The following WDR33 variants were observed in gnomAD, a reference collection of about 807,000 sequenced individuals.
WDR33 encodes pre-mRNA 3' end processing protein WDR33.
Under a neutral mutation model 164.9 loss-of-function variants are expected in WDR33, and 47 were observed. The observed-to-expected ratio is 0.29, with a 90% CI of 0.23 to 0.36. The LOEUF (loss-of-function observed/expected upper bound fraction) is 0.36, where lower values mean the gene tolerates loss of function less well. Ranked by LOEUF, WDR33 falls within the 10% of genes least tolerant of loss-of-function variation. WDR33 has a pLI of 1.00. For synonymous variants in WDR33, 505 were observed against 589.0 expected, an observed-to-expected ratio of 0.86 and a Z score of 2.06; for missense variants, 1,137 against 1,754.1, an observed-to-expected ratio of 0.65 and a Z score of 6.28.
intron 7 of WDR33, among the ~76,000 whole-genome samples, chr2:127,762,070 C>T (rs1490897251): frequency 2.6e-5 from 4 of 152,120 alleles, no homozygotes; most frequent in African/African-American, 7.2e-5. Flanking sequence ...ACCAAGACAA[C>T]GATCTCTGCT....
At chr2:127,725,252 A>C in intron 8 of WDR33, 37 bp from the exon 9 acceptor site, 1 of 1,568,774 alleles carries the variant, frequency 6.4e-7, no homozygotes. Flanking sequence ...GTCAGAATTC[A>C]AAACAAGTAT....
intron 18 of WDR33, among the ~76,000 whole-genome samples, chr2:127,711,778 A>ATTTTTTTTTTTTTTTTTTTTTTTTT (rs1375261650): frequency 1.1e-5 from 1 of 93,038 alleles, no homozygotes; most frequent in African/African-American, 5.9e-5. Flanking sequence ...ATATATATAT[A>ATTTTTTTTTTTTTTTTTTTTTTTTT]TATTTTTTTT....
At chr2:127,767,359 T>C (rs1288429992) in intron 4 of WDR33, among the ~76,000 whole-genome samples, 1 of 152,232 alleles carries the variant, frequency 6.6e-6, no homozygotes, top group Non-Finnish European at 1.5e-5. Flanking sequence ...TTATCATCTA[T>C]GAAAATCGGG....
rs774862163 is a variant in WDR33 at position 127,722,660 on chromosome 2, T to G, written c.1449A>C (p.Gln483His). ...TCTGAGGTACTTTTTTCTGATCCTT[T>G]TGCATCACTTCCTCCATTCCCCAAT... The part of the protein sequence containing the change: ...GLDWGMEEVM[Q>H]KDQKKVPQKK... Residue 483 changes from glutamine (Q) to histidine (H), a missense_variant, in exon 14 of 22, where the codon CAA becomes CAC. By Grantham distance (24) the Gln-to-His change is conservative (BLOSUM62 0). This residue lies in a region of WDR33 where 75 missense variants were observed against 124.7 expected (regional missense o/e 0.60). Coordinates refer to ENST00000322313, the MANE Select transcript of WDR33 (RefSeq NM_018383.5). The surrounding 1 kb of genome is among the most constrained non-coding windows in gnomAD (Gnocchi z 5.1). 20 of 1,614,062 alleles carry G rather than the reference T, an allele frequency of 1.2e-5. No homozygotes were observed. The Admixed American group carries it at 3.3e-4, about 27-fold the overall frequency.
In WDR33 at chr2:127,712,134, G is replaced by A. The variant is rs150106529; in HGVS notation, c.3308+1449C>T. 5.2e-3 allele frequency among the ~76,000 whole-genome samples: 787 copies of A among 152,076 alleles called. 7 individuals carry two copies. Among genetic ancestry groups the A allele is most frequent in the African/African-American group, 0.017 (716 of 41,500 alleles). On this transcript the variant is annotated intron_variant, in intron 18 of 21. Coordinates refer to ENST00000322313, the MANE Select transcript of WDR33 (RefSeq NM_018383.5). The surrounding 1 kb of genome is among the most constrained non-coding windows in gnomAD (Gnocchi z 4.0). Reference sequence around the variant, plus strand: ...GAAAGGACCAGGCGCAGTGGCTCACGCCTATAATCCCTGCACTCTGGGGGG... The same window carrying A: ...GAAAGGACCAGGCGCAGTGGCTCACACCTATAATCCCTGCACTCTGGGGGG...
chr2:127,715,584 C>A (rs958796474), intron 17 of WDR33, among the ~76,000 whole-genome samples: 1 of 152,216 alleles, frequency 6.6e-6, no homozygotes, highest in Non-Finnish European at 1.5e-5. Context: ...CCATTTCCTT[C>A]TGGTAGACAG....
intron 1 of WDR33, among the ~76,000 whole-genome samples, chr2:127,807,150 A>G (rs1689467002): frequency 6.6e-6 from 1 of 152,106 alleles, no homozygotes; most frequent in Non-Finnish European, 1.5e-5. Flanking sequence ...GATTACAGGA[A>G]TGTGCCACCA....
Position 127,717,095 on chromosome 2 carries a change from T to C in WDR33, c.2869+60A>G, listed in dbSNP as rs1247784843. ...ATGACTGGCCAACAAAATTATTCAC[T>C]GTAAAATGTGCACAAAGGTGGTAGA... is the stretch of plus-strand genomic sequence containing the variant. On this transcript the variant is annotated intron_variant, in intron 17 of 21. Coordinates refer to ENST00000322313, the MANE Select transcript of WDR33 (RefSeq NM_018383.5). The surrounding 1 kb of genome is among the most constrained non-coding windows in gnomAD (Gnocchi z 5.6). The C allele has an allele frequency of 6.6e-7, 1 of 1,515,592 alleles. No individual in the cohort carries two copies. The highest frequency in any genetic ancestry group is 9.0e-7 in the Non-Finnish European group (1 of 1,113,374). 93.9% of individuals were successfully genotyped at this position (1,515,592 alleles called of 1,614,324 possible).
Position 127,719,587 on chromosome 2 carries a change from G to A in WDR33, c.2438C>T (p.Pro813Leu), listed in dbSNP as rs749461697. ...MGHPPQEMRG[P>L]HPPGGLLGHG... The stretch of plus-strand genomic sequence containing the variant: ...TCCCAGTAGTCCACCTGGAGGGTGA[G>A]GTCCTCTCATCTCTTGAGGCGGGTG... The change falls in exon 16 of 22, where the codon CCT becomes CTT. Residue 813 changes from proline (P) to leucine (L), a missense_variant. Pro to Leu is a moderately conservative substitution (Grantham distance 98, BLOSUM62 -3). Transcript: ENST00000322313. This position sits in a 1 kb window ranked among gnomAD's most constrained non-coding sequence, Gnocchi z 6.5. The A allele has an allele frequency of 1.2e-6, 2 of 1,613,936 alleles. No homozygotes were observed. Among genetic ancestry groups the A allele is most frequent in the Non-Finnish European group, 1.7e-6 (2 of 1,179,982 alleles).
rs1485019242 is a variant in WDR33 at position 127,738,581 on chromosome 2, TCAA to T, written c.725-11807_725-11805del. ...CTCTACCTCAAGCAGATGATCAAGA[TCAA>T]CATCAAGTCATACTGATAGTATACA... is the stretch of plus-strand genomic sequence containing the variant. On this transcript the variant is annotated intron_variant, in intron 7 of 21. Coordinates refer to ENST00000322313, the MANE Select transcript of WDR33 (RefSeq NM_018383.5). The surrounding 1 kb of genome is among the most constrained non-coding windows in gnomAD (Gnocchi z 4.4). 2.0e-5 allele frequency among the ~76,000 whole-genome samples: 3 copies of T among 152,102 alleles called. No individual in the cohort carries two copies. Among genetic ancestry groups the T allele is most frequent in the Non-Finnish European group, 4.4e-5 (3 of 68,036 alleles).
intron 7 of WDR33, among the ~76,000 whole-genome samples, chr2:127,750,687 T>C (rs1329522473): frequency 6.3e-5 from 3 of 47,574 alleles, no homozygotes; most frequent in African/African-American, 3.3e-4. Context: ...AATATATATA[T>C]ATATATATAT....
At chr2:127,809,468 CT>C (rs1480778370) in intron 1 of WDR33, among the ~76,000 whole-genome samples, 11 of 132,712 alleles carry the variant, frequency 8.3e-5, no homozygotes, top group Non-Finnish European at 1.7e-4. Flanking sequence ...CGGAGTCTCG[CT>C]CTGTTGCCCA....
In WDR33 at chr2:127,705,930, G is replaced by C. The variant is rs1224196178; in HGVS notation, c.*393C>G. 5.6e-6 allele frequency: 1 copy of C among 179,606 alleles called. No homozygotes were observed. Among genetic ancestry groups the C allele is most frequent in the Non-Finnish European group, 1.1e-5 (1 of 87,056 alleles). The allele number at this position is 179,606 out of a possible 1,614,324, so 11.1% of individuals were successfully genotyped here. On this transcript the variant is annotated 3_prime_UTR_variant, in exon 22 of 22. Transcript: ENST00000322313. This position sits in a 1 kb window ranked among gnomAD's most constrained non-coding sequence, Gnocchi z 4.5. ...CACAACTAGTTTTCTGTCAATTCTTGCGTAAATCACATTCTGTATTCATAC... is the reference window on the plus strand; with the variant it reads ...CACAACTAGTTTTCTGTCAATTCTTCCGTAAATCACATTCTGTATTCATAC...
chr2:127,763,255 T>C lies in WDR33; in HGVS notation c.627-96A>G, dbSNP rs898684821. On this transcript the variant is annotated intron_variant, in intron 6 of 21. Coordinates refer to ENST00000322313, the MANE Select transcript of WDR33 (RefSeq NM_018383.5). The surrounding 1 kb of genome is among the most constrained non-coding windows in gnomAD (Gnocchi z 4.5). ...GGAAAAATAAAAACACTGTGCTGCA[T>C]TATAAACAGGAGAGGGAAGAATCCA... 1.3e-6 allele frequency: 2 copies of C among 1,582,102 alleles called. No homozygotes were observed. Among genetic ancestry groups the C allele is most frequent in the Non-Finnish European group, 1.7e-6 (2 of 1,162,720 alleles).
chr2:127,728,957 CA>C (rs1458260255), intron 7 of WDR33, among the ~76,000 whole-genome samples: 1 of 152,064 alleles, frequency 6.6e-6, no homozygotes, highest in East Asian at 1.9e-4. Context: ...ACTATGAACC[CA>C]AAAGGAACCA....
chr2:127,736,085 T>C, intron 7 of WDR33: 1 of 985,474 alleles, frequency 1.0e-6, no homozygotes. Flanking sequence ...GGTAAGTTTC[T>C]TTCCCAGTCT....
At chr2:127,732,408 G>A (rs1181301530) in intron 7 of WDR33, among the ~76,000 whole-genome samples, 1 of 151,858 alleles carries the variant, frequency 6.6e-6, no homozygotes, top group Admixed American at 6.6e-5. Context: ...TGCAGCCTCT[G>A]ACTCCTGGGC....
At chr2:127,762,515 A>C in intron 7 of WDR33, 1 of 985,606 alleles carries the variant, frequency 1.0e-6, no homozygotes, top group Non-Finnish European at 1.2e-6. Context: ...AATTTCATAG[A>C]GGTTTATTAA....
chr2:127,781,118 C>A (rs1294371147), intron 1 of WDR33, among the ~76,000 whole-genome samples: 6 of 152,168 alleles, frequency 3.9e-5, no homozygotes, highest in Admixed American at 3.3e-4. Context: ...CCTGCCGCAG[C>A]CTCCCGAAGT....
Sources: allele counts gnomAD v4.1 joint callset (sites outside exome capture counted in the v4.1 genomes callset), GRCh38; gene constraint gnomAD v4.1.1; regional missense constraint gnomAD v4.1.1; non-coding constraint Gnocchi (gnomAD v3.1); transcripts MANE v1.5; gene names NCBI Gene and HGNC (gene_info 2026-07-23, HGNC 2026-07-21).